The following NTNG1 variants were observed in gnomAD, a reference collection of about 807,000 sequenced individuals.
NTNG1 encodes netrin G1.
NTNG1 carries 16 observed loss-of-function variants against 54.0 expected under a neutral mutation model. The observed-to-expected ratio is 0.30, with a 90% CI of 0.20 to 0.45. The LOEUF (loss-of-function observed/expected upper bound fraction) is 0.45, where lower values mean the gene tolerates loss of function less well. Among genes scored for constraint, NTNG1 ranks in the 20% least tolerant of loss-of-function variants. The probability of loss-of-function intolerance (pLI) is 1.00; values close to 1 mark genes in which losing one functional copy is unlikely to be tolerated. For missense variants in NTNG1, 530 were observed against 678.7 expected (o/e 0.78, Z 2.43); for synonymous variants, 255 against 263.1 (o/e 0.97, Z 0.30).
At chr1:107,170,273 A>G (rs10736045) in intron 2 of NTNG1, among the ~76,000 whole-genome samples, 115,349 of 152,084 alleles carry the variant, frequency 0.76, 44,775 homozygotes, top group Middle Eastern at 0.87. Flanking sequence ...AAGGAAGTAA[A>G]AATGAAAGGG....
chr1:107,353,081 G>T (rs1201533013), intron 3 of NTNG1, among the ~76,000 whole-genome samples: 1 of 152,188 alleles, frequency 6.6e-6, no homozygotes, highest in African/African-American at 2.4e-5. Context: ...CATTGTCTTG[G>T]ATATTAACAT....
At chr1:107,282,366 T>C (rs972320006) in intron 2 of NTNG1, among the ~76,000 whole-genome samples, 1 of 152,114 alleles carries the variant, frequency 6.6e-6, no homozygotes, top group Non-Finnish European at 1.5e-5. Context: ...GATCTGCAAA[T>C]CTTTATGTGT....
At chr1:107,323,208 A>C (rs772197242) in intron 2 of NTNG1, among the ~76,000 whole-genome samples, 1 of 152,096 alleles carries the variant, frequency 6.6e-6, no homozygotes, top group Non-Finnish European at 1.5e-5. Context: ...CCATGCTCAT[A>C]ATAACTGAGT....
At chr1:107,226,608 G>A (rs1660706093) in intron 2 of NTNG1, among the ~76,000 whole-genome samples, 1 of 152,030 alleles carries the variant, frequency 6.6e-6, no homozygotes, top group Non-Finnish European at 1.5e-5. Context: ...GGTTTCCCCA[G>A]GCCACATCAG....
intron 2 of NTNG1, among the ~76,000 whole-genome samples, chr1:107,251,175 C>T (rs1312151828): frequency 1.3e-5 from 2 of 152,276 alleles, no homozygotes; most frequent in East Asian, 3.9e-4. Context: ...AATGCCAAAA[C>T]TTTTAAACAC....
intron 7 of NTNG1, among the ~76,000 whole-genome samples, chr1:107,461,562 C>A (rs1005963733): frequency 1.3e-5 from 2 of 148,488 alleles, no homozygotes; most frequent in Non-Finnish European, 3.0e-5. Flanking sequence ...TCTTTTGAGA[C>A]GGAGTCTTGC....
At chr1:107,441,262 C>T (rs1452763036) in intron 7 of NTNG1, among the ~76,000 whole-genome samples, 1 of 152,104 alleles carries the variant, frequency 6.6e-6, no homozygotes, top group Non-Finnish European at 1.5e-5. Context: ...TAGAAATAGC[C>T]ACTTGTAGAA....
chr1:107,271,306 G>A (rs913055047), intron 2 of NTNG1, among the ~76,000 whole-genome samples: 15 of 152,012 alleles, frequency 9.9e-5, no homozygotes, highest in African/African-American at 2.4e-4. Flanking sequence ...CCATTAACTC[G>A]TCATTTAGGA....
At chr1:107,337,882 T>C (rs1668680438) in intron 3 of NTNG1, among the ~76,000 whole-genome samples, 1 of 152,162 alleles carries the variant, frequency 6.6e-6, no homozygotes, top group South Asian at 2.1e-4. Context: ...AAATAAGTTT[T>C]AGAGAAAGAA....
At chr1:107,376,850 T>C (rs1671305902) in intron 3 of NTNG1, among the ~76,000 whole-genome samples, 2 of 152,192 alleles carry the variant, frequency 1.3e-5, no homozygotes, top group Non-Finnish European at 2.9e-5. Context: ...TGTCCCGTCT[T>C]CCCCTACTGT....
At chr1:107,205,265 G>T (rs1659089540) in intron 2 of NTNG1, among the ~76,000 whole-genome samples, 1 of 152,138 alleles carries the variant, frequency 6.6e-6, no homozygotes, top group Non-Finnish European at 1.5e-5. Flanking sequence ...CTCCAGGTAT[G>T]TAGATCTAGG....
At chr1:107,457,558 C>T (rs1295557187) in intron 7 of NTNG1, among the ~76,000 whole-genome samples, 1 of 152,082 alleles carries the variant, frequency 6.6e-6, no homozygotes, top group Non-Finnish European at 1.5e-5. Flanking sequence ...ATGTAATGCT[C>T]TAAGACAAAT....
chr1:107,463,361 C>T (rs922442450), intron 7 of NTNG1, among the ~76,000 whole-genome samples: 1 of 152,158 alleles, frequency 6.6e-6, no homozygotes, highest in African/African-American at 2.4e-5. Context: ...AATCTATTGA[C>T]GTTAACATTG....
chr1:107,432,857 A>T (rs1675356680), intron 6 of NTNG1, among the ~76,000 whole-genome samples: 1 of 152,084 alleles, frequency 6.6e-6, no homozygotes, highest in Non-Finnish European at 1.5e-5. Flanking sequence ...AGAGTATTTT[A>T]TTATTATGAA....
At chr1:107,165,490 G>C (rs1398602729) in intron 2 of NTNG1, among the ~76,000 whole-genome samples, 1 of 152,094 alleles carries the variant, frequency 6.6e-6, no homozygotes, top group African/African-American at 2.4e-5. Context: ...TCTTGTAGTA[G>C]GTAATTCTCC....
At chr1:107,352,182 G>C (rs951347836) in intron 3 of NTNG1, among the ~76,000 whole-genome samples, 8 of 152,214 alleles carry the variant, frequency 5.3e-5, no homozygotes, top group Non-Finnish European at 8.8e-5. Flanking sequence ...ATGGGCTCTG[G>C]AGTACAGTGG....
chr1:107,162,051 A>G (rs1458403905), intron 2 of NTNG1, among the ~76,000 whole-genome samples: 1 of 152,088 alleles, frequency 6.6e-6, no homozygotes, highest in Non-Finnish European at 1.5e-5. Flanking sequence ...ATGTATGCAT[A>G]TGTATATATT....
chr1:107,270,156 T>A (rs372107204), intron 2 of NTNG1, among the ~76,000 whole-genome samples: 4 of 152,354 alleles, frequency 2.6e-5, no homozygotes, highest in South Asian at 2.1e-4. Flanking sequence ...AGTAACTTTT[T>A]AAAACAGAAA....
At chr1:107,243,395 GC>G (rs1661972723) in intron 2 of NTNG1, among the ~76,000 whole-genome samples, 1 of 152,150 alleles carries the variant, frequency 6.6e-6, no homozygotes, top group Admixed American at 6.5e-5. Flanking sequence ...AATCCTATTT[GC>G]CGGCTTAAAA....
Sources: gnomAD v4.1 joint callset for allele counts (sites outside exome capture counted in the v4.1 genomes callset) on GRCh38, gnomAD v4.1.1 for gene constraint, MANE v1.5 for transcripts, NCBI Gene and HGNC (gene_info 2026-07-23, HGNC 2026-07-21) for gene names.